The following USH2A variants were observed in gnomAD, a reference collection of about 807,000 sequenced individuals.
The protein encoded by USH2A is Usher syndrome 2A (autosomal recessive, mild).
USH2A carries 443 observed loss-of-function variants against 538.9 expected under a neutral mutation model. The ratio of observed to expected loss-of-function variants is 0.82; its 90% confidence interval spans 0.76 to 0.89. The LOEUF (loss-of-function observed/expected upper bound fraction) is 0.89. Among genes scored for constraint, USH2A ranks in the 40% least tolerant of loss-of-function variants. The pLI, the probability that USH2A is intolerant of heterozygous loss-of-function variation, is 0.00. For missense variants in USH2A, 6,633 were observed against 6,324.8 expected, an observed-to-expected ratio of 1.05 and a Z score of -1.65; for synonymous variants, 2,413 against 2,273.5, an observed-to-expected ratio of 1.06 and a Z score of -1.75.
At chr1:215,687,872 T>A (rs1423473539) in intron 61 of USH2A, among the ~76,000 whole-genome samples, 1 of 152,106 alleles carries the variant, frequency 6.6e-6, no homozygotes, top group South Asian at 2.1e-4. Flanking sequence ...ATGCTCCTAA[T>A]CTCTGAGGAT....
Position 216,176,258 on chromosome 1 carries a change from A to G in USH2A, c.4397-776T>C, listed in dbSNP as rs201985081. ...TTTTTTTTTAGAGATGGAGTCTCAC[A>G]TTGTTGCCCAGGCTGGAGTGCAGTG... is the stretch of plus-strand genomic sequence containing the variant. On this transcript the variant is annotated intron_variant, in intron 20 of 71. Transcript: ENST00000307340. Among the ~76,000 whole-genome samples the G allele has an allele frequency of 1.3e-3, 193 of 151,758 alleles. 3 individuals are homozygous for G. The highest frequency in any genetic ancestry group is 1.0e-2 in the Admixed American group (152 of 15,240).
chr1:215,892,314 CT>C (rs1402041142), intron 40 of USH2A, among the ~76,000 whole-genome samples: 2 of 152,048 alleles, frequency 1.3e-5, no homozygotes, highest in Non-Finnish European at 2.9e-5. Flanking sequence ...CATTGTTGCC[CT>C]GAAGCAATAT....
chr1:216,037,865 G>A (rs2030067344), intron 32 of USH2A, among the ~76,000 whole-genome samples: 2 of 151,146 alleles, frequency 1.3e-5, no homozygotes, highest in South Asian at 2.1e-4. Flanking sequence ...AAAAGCCCCA[G>A]TATGTGTAGT....
chr1:215,719,525 A>G (rs987002603), intron 61 of USH2A, among the ~76,000 whole-genome samples: 1 of 152,214 alleles, frequency 6.6e-6, no homozygotes, highest in Non-Finnish European at 1.5e-5. Context: ...AGGAACACTT[A>G]AAATGTATAA....
chr1:216,260,165 G>A (rs1426963552), intron 11 of USH2A, among the ~76,000 whole-genome samples: 5 of 151,906 alleles, frequency 3.3e-5, no homozygotes, highest in Admixed American at 6.6e-5. Flanking sequence ...ATTTTAATGA[G>A]GCCAGCAGAG....
rs557893031 is a variant in USH2A, at chr1:215,956,537, CCA to C, written c.7120+8778_7120+8779del. ...GAGGAGTTAGAATGGAGAGATTCCTCCACAGAGATGCTCTGCAGAGTTTGAAA... is the reference window on the plus strand; with the variant it reads ...GAGGAGTTAGAATGGAGAGATTCCTCCAGAGATGCTCTGCAGAGTTTGAAA... On this transcript the variant is annotated intron_variant, in intron 37 of 71. Coordinates refer to ENST00000307340, the MANE Select transcript of USH2A (RefSeq NM_206933.4). Among the ~76,000 whole-genome samples the C allele has an allele frequency of 7.9e-5, 12 of 152,236 alleles. No homozygotes were observed. The South Asian group carries it at 2.5e-3, about 32-fold the overall frequency.
intron 44 of USH2A, among the ~76,000 whole-genome samples, chr1:215,863,649 AAGAG>A (rs35657853): frequency 3.5e-5 from 5 of 141,144 alleles, no homozygotes; most frequent in Non-Finnish European, 4.5e-5. Flanking sequence ...AATAGGAAGA[AAGAG>A]AGAGAGAGAG....
intron 21 of USH2A, among the ~76,000 whole-genome samples, chr1:216,142,615 A>G (rs1202511857): frequency 3.3e-5 from 5 of 152,176 alleles, no homozygotes; most frequent in Admixed American, 2.6e-4. Flanking sequence ...TCAGCTGTAA[A>G]ACTAGCTGAT....
chr1:216,213,808 A>T (rs1558321546), intron 15 of USH2A, among the ~76,000 whole-genome samples: 2 of 152,060 alleles, frequency 1.3e-5, no homozygotes, highest in Non-Finnish European at 1.5e-5. Flanking sequence ...AAATCCACAG[A>T]ATGAGAGGAC....
chr1:216,023,915 C>T (rs1341660450), intron 32 of USH2A, among the ~76,000 whole-genome samples: 4 of 151,870 alleles, frequency 2.6e-5, no homozygotes, highest in African/African-American at 9.7e-5. Flanking sequence ...AAATGAAAAG[C>T]AAAAGCCTCC....
At chr1:216,047,128 T>G (rs1023063259) in intron 31 of USH2A, among the ~76,000 whole-genome samples, 3 of 152,056 alleles carry the variant, frequency 2.0e-5, no homozygotes, top group Admixed American at 2.0e-4. Context: ...TCCTAAGAAC[T>G]AAACATTTTT....
At chr1:216,025,076 G>T (rs1220624977) in intron 32 of USH2A, among the ~76,000 whole-genome samples, 1 of 151,830 alleles carries the variant, frequency 6.6e-6, no homozygotes, top group African/African-American at 2.4e-5. Context: ...AATATGTATA[G>T]ATAAAAATTC....
intron 21 of USH2A, among the ~76,000 whole-genome samples, chr1:216,167,021 T>C (rs1048902066): frequency 1.3e-5 from 2 of 152,120 alleles, no homozygotes; most frequent in Non-Finnish European, 2.9e-5. Flanking sequence ...GTCAAAGAAT[T>C]TCCAAATGGA....
chr1:216,370,697 A>AAAAAAAAAAAAAAAAAAAC (rs2038696541), intron 3 of USH2A, among the ~76,000 whole-genome samples: 2 of 150,770 alleles, frequency 1.3e-5, no homozygotes, highest in Non-Finnish European at 3.0e-5. Flanking sequence ...AAAAAAAAAA[A>AAAAAAAAAAAAAAAAAAAC]AAAAATACTC....
In USH2A at chr1:216,217,260, C is replaced by T; in HGVS notation, c.3157+127G>A. On this transcript the variant is annotated intron_variant, in intron 15 of 71. Transcript: ENST00000307340. Reference sequence around the variant, plus strand: ...TCATTCAGTGTATTTTTTTCCATCTCTTACCTACGTTCTTCACATTGTACT... The same window carrying T: ...TCATTCAGTGTATTTTTTTCCATCTTTTACCTACGTTCTTCACATTGTACT... 14 of 1,204,014 alleles carry T rather than the reference C, an allele frequency of 1.2e-5. No individual in the cohort carries two copies. The Admixed American group carries it at 1.5e-4, about 13-fold the overall frequency. 74.6% of individuals were successfully genotyped at this position (1,204,014 alleles called of 1,614,324 possible).
intron 44 of USH2A, among the ~76,000 whole-genome samples, chr1:215,855,308 C>G (rs1664133828): frequency 6.6e-6 from 1 of 152,062 alleles, no homozygotes; most frequent in African/African-American, 2.4e-5. Context: ...TTTTGGGATA[C>G]AAAATTAATG....
chr1:216,158,744 T>C (rs747445433), intron 21 of USH2A, among the ~76,000 whole-genome samples: 30 of 152,306 alleles, frequency 2.0e-4, no homozygotes, highest in Non-Finnish European at 3.2e-4. Flanking sequence ...TTGTAAATTT[T>C]TACAGAAATC....
intron 15 of USH2A, 118 bp downstream of exon 15, chr1:216,217,269 G>T: frequency 3.1e-6 from 4 of 1,308,904 alleles, no homozygotes; most frequent in Non-Finnish European, 4.3e-6. Context: ...TCTTACCTAC[G>T]TTCTTCACAT....
At chr1:216,169,153 T>C (rs565137237) in intron 21 of USH2A, among the ~76,000 whole-genome samples, 1 of 152,234 alleles carries the variant, frequency 6.6e-6, no homozygotes, top group East Asian at 1.9e-4. Context: ...TGTTTATGCA[T>C]GTGGGATGAG....
Sources: gnomAD v4.1 joint callset for allele counts (sites outside exome capture counted in the v4.1 genomes callset) on GRCh38, gnomAD v4.1.1 for gene constraint, MANE v1.5 for transcripts, NCBI Gene and HGNC (gene_info 2026-07-23, HGNC 2026-07-21) for gene names.